Variants in MAGI1 observed in about 807,000 individuals in gnomAD.
MAGI1 encodes membrane associated guanylate kinase, WW and PDZ domain containing 1.
MAGI1 carries 58 observed loss-of-function variants against 139.9 expected under a neutral mutation model. The observed-to-expected ratio is 0.41, with a 90% CI of 0.34 to 0.52. The LOEUF (loss-of-function observed/expected upper bound fraction) is 0.52, where lower values mean the gene tolerates loss of function less well. MAGI1 is among the 20% of genes least tolerant of loss of function. The pLI is 0.12. For synonymous variants in MAGI1, 812 were observed against 737.9 expected, an observed-to-expected ratio of 1.10 and a Z score of -1.63; for missense variants, 1,874 against 1,901.6, an observed-to-expected ratio of 0.99 and a Z score of 0.27.
At chr3:65,414,367 T>C (rs1002462768) in intron 12 of MAGI1, among the ~76,000 whole-genome samples, 1 of 152,224 alleles carries the variant, frequency 6.6e-6, no homozygotes, top group Non-Finnish European at 1.5e-5. Context: ...GACTAATAGA[T>C]GTTATAGATG....
chr3:65,733,099 G>C (rs2034352363), intron 1 of MAGI1, among the ~76,000 whole-genome samples: 1 of 150,424 alleles, frequency 6.6e-6, no homozygotes, highest in Non-Finnish European at 1.5e-5. Context: ...TCCCAAGCTG[G>C]AGTGCAATGA....
At chr3:65,701,449 C>T (rs972524987) in intron 1 of MAGI1, among the ~76,000 whole-genome samples, 4 of 152,156 alleles carry the variant, frequency 2.6e-5, no homozygotes, top group African/African-American at 7.2e-5. Context: ...GACGGGGTTT[C>T]GCCATGTTGG....
chr3:65,428,359 C>T (rs1575709066), intron 12 of MAGI1, among the ~76,000 whole-genome samples: 1 of 152,162 alleles, frequency 6.6e-6, no homozygotes, highest in Admixed American at 6.5e-5. Context: ...GAGCAAGACA[C>T]TTCAATATGG....
At chr3:65,839,525 A>G (rs893744677) in intron 1 of MAGI1, among the ~76,000 whole-genome samples, 3 of 152,196 alleles carry the variant, frequency 2.0e-5, no homozygotes, top group Non-Finnish European at 2.9e-5. Flanking sequence ...AACACATTCA[A>G]TGGAGGAAGG....
chr3:65,810,921 T>A (rs1300751840), intron 1 of MAGI1, among the ~76,000 whole-genome samples: 1 of 152,226 alleles, frequency 6.6e-6, no homozygotes, highest in Non-Finnish European at 1.5e-5. Context: ...CTTCATTACC[T>A]TGCAAGTACA....
chr3:65,628,630 G>A (rs141764694), intron 1 of MAGI1, among the ~76,000 whole-genome samples: 59 of 152,204 alleles, frequency 3.9e-4, no homozygotes, highest in African/African-American at 1.3e-3. Flanking sequence ...ATGCAGTCTA[G>A]ACATAGTGAG....
chr3:66,038,058 T>C lies in MAGI1; in HGVS notation c.251A>G (p.Tyr84Cys), dbSNP rs148255740. 23 of 1,612,216 alleles carry C rather than the reference T, an allele frequency of 1.4e-5. No homozygotes were observed. Among genetic ancestry groups the C allele is most frequent in the African/African-American group, 5.3e-5 (4 of 74,896 alleles). Residue 84 changes from tyrosine (Y) to cysteine (C), a missense_variant, in exon 1 of 23, where the codon TAT becomes TGT. By Grantham distance (194) the Tyr-to-Cys change is radical (BLOSUM62 -2). Around this residue, in one of 5 missense-constraint regions of MAGI1, gnomAD observed 648 missense variants for 598.1 expected, o/e 1.08. Transcript: ENST00000402939. ...GCTGTCGATGACCCCCAGCACGTCA[T>C]AGCGGGGCAAGCCGGACACCCGGAC... ...QGVRVSGLPR[Y>C]DVLGVIDSCK...
intron 1 of MAGI1, among the ~76,000 whole-genome samples, chr3:65,666,546 T>C (rs540128858): frequency 1.8e-4 from 28 of 152,268 alleles, no homozygotes; most frequent in African/African-American, 6.0e-4. Flanking sequence ...ATTAGCATAG[T>C]AAAAGCTCTG....
At chr3:65,836,968 A>G (rs139393392) in intron 1 of MAGI1, among the ~76,000 whole-genome samples, 34 of 152,294 alleles carry the variant, frequency 2.2e-4, no homozygotes, top group Non-Finnish European at 4.7e-4. Context: ...GGGAGGTGTT[A>G]TAATAACAAG....
At chr3:65,418,319 G>A (rs1387230001) in intron 12 of MAGI1, among the ~76,000 whole-genome samples, 1 of 152,132 alleles carries the variant, frequency 6.6e-6, no homozygotes, top group Non-Finnish European at 1.5e-5. Flanking sequence ...TTTCAGAACT[G>A]TGCACAAACA....
chr3:65,489,308 A>G (rs1477887885), intron 3 of MAGI1, among the ~76,000 whole-genome samples: 3 of 152,234 alleles, frequency 2.0e-5, no homozygotes, highest in Non-Finnish European at 4.4e-5. Context: ...TGCCCTGTAC[A>G]TCATATCCCT....
At chr3:65,601,777 A>G (rs902696477) in intron 2 of MAGI1, among the ~76,000 whole-genome samples, 11 of 152,036 alleles carry the variant, frequency 7.2e-5, no homozygotes, top group African/African-American at 1.9e-4. Context: ...AAAATTTAAA[A>G]CTTTTGTGCT....
At chr3:65,775,346 G>T (rs2038288177) in intron 1 of MAGI1, among the ~76,000 whole-genome samples, 1 of 151,498 alleles carries the variant, frequency 6.6e-6, no homozygotes, top group East Asian at 1.9e-4. Context: ...CTACTTGGGA[G>T]ACTGAGGCAG....
intron 1 of MAGI1, among the ~76,000 whole-genome samples, chr3:65,750,738 C>G (rs1200450306): frequency 6.6e-6 from 1 of 152,150 alleles, no homozygotes; most frequent in African/African-American, 2.4e-5. Context: ...GTATTTTTTA[C>G]AAGTTCCCCG....
intron 1 of MAGI1, among the ~76,000 whole-genome samples, chr3:65,655,795 G>A (rs2085841582): frequency 6.6e-6 from 1 of 152,208 alleles, no homozygotes; most frequent in East Asian, 1.9e-4. Flanking sequence ...CTGAATTCCA[G>A]TTGAATTCCA....
chr3:65,972,983 C>T (rs2065080415), intron 1 of MAGI1, among the ~76,000 whole-genome samples: 1 of 151,974 alleles, frequency 6.6e-6, no homozygotes, highest in Non-Finnish European at 1.5e-5. Context: ...TACACTTTTA[C>T]TCAGATGAAA....
chr3:65,578,640 C>G (rs2081279388), intron 2 of MAGI1, among the ~76,000 whole-genome samples: 1 of 152,188 alleles, frequency 6.6e-6, no homozygotes, highest in African/African-American at 2.4e-5. Flanking sequence ...GATATTCAGG[C>G]CGGATGCCAT....
At chr3:65,569,245 CAGAA>C (rs1172128069) in intron 2 of MAGI1, among the ~76,000 whole-genome samples, 1 of 152,048 alleles carries the variant, frequency 6.6e-6, no homozygotes, top group Non-Finnish European at 1.5e-5. Flanking sequence ...TTCATGGAGA[CAGAA>C]AGGAGAATTG....
intron 1 of MAGI1, among the ~76,000 whole-genome samples, chr3:65,659,005 T>C (rs2086040959): frequency 1.3e-5 from 2 of 152,214 alleles, no homozygotes; most frequent in Non-Finnish European, 1.5e-5. Context: ...CCGGCTCCTC[T>C]TGTACGATAA....
Sources: gnomAD v4.1 joint callset for allele counts (sites outside exome capture counted in the v4.1 genomes callset) on GRCh38, gnomAD v4.1.1 for gene constraint, gnomAD v4.1.1 regional missense constraint, MANE v1.5 for transcripts, NCBI Gene and HGNC (gene_info 2026-07-23, HGNC 2026-07-21) for gene names.